ZFHX4: variants seen among roughly 807,000 people sequenced by gnomAD.
ZFHX4 encodes the protein zinc finger homeobox protein 4.
Under a neutral mutation model 267.6 loss-of-function variants are expected in ZFHX4, and 56 were observed. The ratio of observed to expected loss-of-function variants is 0.21; its 90% CI spans 0.17 to 0.26. The LOEUF (loss-of-function observed/expected upper bound fraction) is 0.26, where lower values mean the gene tolerates loss of function less well. Ranked by LOEUF, ZFHX4 falls within the 10% of genes least tolerant of loss-of-function variation. The pLI is 1.00. For missense variants in ZFHX4, 4,332 were observed against 4,420.0 expected (o/e 0.98, Z 0.56); for synonymous variants, 1,778 against 1,665.6 (o/e 1.07, Z -1.64).
chr8:76,732,625 G>A (rs1192714834), intron 3 of ZFHX4, among the ~76,000 whole-genome samples: 1 of 152,116 alleles, frequency 6.6e-6, no homozygotes, highest in Non-Finnish European at 1.5e-5. Context: ...TGCCTTAGTT[G>A]ATTTCCATTG....
chr8:76,782,582 A>G (rs1563519365), intron 4 of ZFHX4, among the ~76,000 whole-genome samples: 1 of 151,918 alleles, frequency 6.6e-6, no homozygotes, highest in Non-Finnish European at 1.5e-5. Context: ...TCTGCCTTCC[A>G]TTTATAATAT....
chr8:76,827,933 G>A (rs1291655239), intron 4 of ZFHX4, among the ~76,000 whole-genome samples: 1 of 152,188 alleles, frequency 6.6e-6, no homozygotes. Flanking sequence ...ATTACTGCCT[G>A]GAAGAAATAA....
At chr8:76,834,079 T>A in intron 5 of ZFHX4, 1 of 419,414 alleles carries the variant, frequency 2.4e-6, no homozygotes, top group Non-Finnish European at 4.8e-6. Flanking sequence ...TTCCTTTTAG[T>A]GCTGAATAAT....
chr8:76,832,842 T>C (rs575155052), intron 4 of ZFHX4, among the ~76,000 whole-genome samples: 1 of 152,302 alleles, frequency 6.6e-6, no homozygotes, highest in South Asian at 2.1e-4. Flanking sequence ...AATAAAGATG[T>C]GGATTTGCTG....
intron 1 of ZFHX4, among the ~76,000 whole-genome samples, chr8:76,686,946 C>G (rs1033283661): frequency 2.6e-5 from 4 of 152,192 alleles, no homozygotes; most frequent in Non-Finnish European, 2.9e-5. Context: ...GTTTCCCCCC[C>G]TTCTAAGACC....
At chr8:76,744,241 G>C (rs1437372895) in intron 3 of ZFHX4, among the ~76,000 whole-genome samples, 1 of 152,028 alleles carries the variant, frequency 6.6e-6, no homozygotes, top group East Asian at 1.9e-4. Flanking sequence ...AGCTACTCAG[G>C]AGGTTGAGAC....
intron 7 of ZFHX4, 131 bp downstream of exon 7, chr8:76,849,259 A>G: frequency 9.3e-7 from 1 of 1,074,234 alleles, no homozygotes; most frequent in Non-Finnish European, 1.3e-6. Flanking sequence ...AACTCTTGGT[A>G]TTACCTCTAA....
At chr8:76,786,983 G>A (rs1192168737) in intron 4 of ZFHX4, among the ~76,000 whole-genome samples, 1 of 152,120 alleles carries the variant, frequency 6.6e-6, no homozygotes, top group Non-Finnish European at 1.5e-5. Context: ...TTGCCATAGG[G>A]GGGTAGTCAA....
intron 4 of ZFHX4, among the ~76,000 whole-genome samples, chr8:76,823,854 G>T (rs1811716988): frequency 6.6e-6 from 1 of 152,168 alleles, no homozygotes; most frequent in Non-Finnish European, 1.5e-5. Flanking sequence ...TTTCTCCCAT[G>T]TATACAATTG....
intron 1 of ZFHX4, among the ~76,000 whole-genome samples, chr8:76,691,319 G>T (rs1807818425): frequency 6.6e-6 from 1 of 151,972 alleles, no homozygotes; most frequent in Non-Finnish European, 1.5e-5. Context: ...GACAAGAAGA[G>T]CCTATGATTC....
chr8:76,752,237 GAA>G (rs1180265287), intron 3 of ZFHX4, among the ~76,000 whole-genome samples: 1 of 151,786 alleles, frequency 6.6e-6, no homozygotes, highest in Admixed American at 6.6e-5. Context: ...GAAGGCAAGA[GAA>G]TGAAAAATAT....
At chr8:76,811,732 A>G (rs138070189) in intron 4 of ZFHX4, among the ~76,000 whole-genome samples, 1 of 152,314 alleles carries the variant, frequency 6.6e-6, no homozygotes, top group African/African-American at 2.4e-5. Flanking sequence ...GCTTCTATGC[A>G]TTAGGTTATT....
At chr8:76,728,487 A>C (rs1808914001) in intron 3 of ZFHX4, among the ~76,000 whole-genome samples, 1 of 152,230 alleles carries the variant, frequency 6.6e-6, no homozygotes, top group Admixed American at 6.5e-5. Context: ...AGAAATGGCC[A>C]AGAGGCAGGA....
chr8:76,801,088 T>C (rs1420555192), intron 4 of ZFHX4, among the ~76,000 whole-genome samples: 1 of 152,196 alleles, frequency 6.6e-6, no homozygotes, highest in East Asian at 1.9e-4. Context: ...TTTGTTGTTG[T>C]TGTTCTGTAG....
chr8:76,772,994 A>G (rs534930398), intron 3 of ZFHX4, among the ~76,000 whole-genome samples: 1 of 152,182 alleles, frequency 6.6e-6, no homozygotes, highest in Non-Finnish European at 1.5e-5. Flanking sequence ...ACCTCGTTGT[A>G]TGAGGTTATA....
intron 4 of ZFHX4, among the ~76,000 whole-genome samples, chr8:76,789,794 T>C (rs1810785990): frequency 6.6e-6 from 1 of 152,190 alleles, no homozygotes; most frequent in African/African-American, 2.4e-5. Context: ...GTTTCATTAG[T>C]GTCTTTGTAG....
chr8:76,860,385 C>T, intron 10 of ZFHX4, among the ~76,000 whole-genome samples: 1 of 151,998 alleles, frequency 6.6e-6, no homozygotes, highest in East Asian at 1.9e-4. Flanking sequence ...TTTATTACTT[C>T]ATTATGTAAC....
Position 76,854,932 on chromosome 8 carries a change from G to T in ZFHX4, c.8011G>T (p.Ala2671Ser), listed in dbSNP as rs1233339467. The T allele has an allele frequency of 6.2e-7, 1 of 1,613,982 alleles. No individual in the cohort carries two copies. The highest frequency in any genetic ancestry group is 8.5e-7 in the Non-Finnish European group (1 of 1,179,884). The change falls in exon 10 of 11, where the codon GCA becomes TCA. Residue 2671 changes from alanine (A) to serine (S), a missense_variant. By Grantham distance (99) the Ala-to-Ser change is moderately conservative. This residue lies in a region of ZFHX4 where 1,648 missense variants were observed against 1,625.0 expected (regional missense o/e 1.01). Coordinates refer to ENST00000651372, the MANE Select transcript of ZFHX4 (RefSeq NM_024721.5). ...RKGQFRAVGP[A>S]QSHKRCPFCR... ...AGGCCAGTTCCGGGCGGTGGGTCCA[G>T]CACAGTCTCATAAACGGTGTCCGTT...
At chr8:76,765,756 C>A (rs1234940775) in intron 3 of ZFHX4, among the ~76,000 whole-genome samples, 3 of 152,146 alleles carry the variant, frequency 2.0e-5, no homozygotes, top group East Asian at 1.9e-4. Context: ...TTAGGTATGG[C>A]ACACTTGTTA....
Sources: gnomAD v4.1 joint callset for allele counts (sites outside exome capture counted in the v4.1 genomes callset) on GRCh38, gnomAD v4.1.1 for gene constraint, gnomAD v4.1.1 regional missense constraint, MANE v1.5 for transcripts, NCBI Gene and HGNC (gene_info 2026-07-23, HGNC 2026-07-21) for gene names.